The following RFC5 variants were observed in gnomAD, a reference collection of about 807,000 sequenced individuals.
RFC5 encodes A1 36 kDa subunit.
Under a neutral mutation model 44.3 loss-of-function variants are expected in RFC5, and 26 were observed. That is an observed-to-expected ratio of 0.59 (90% CI 0.43 to 0.81). The LOEUF is 0.81. Among genes scored for constraint, RFC5 ranks in the 40% least tolerant of loss-of-function variants. RFC5 has a pLI of 0.00. For synonymous variants in RFC5, 155 were observed against 155.2 expected, an observed-to-expected ratio of 1.00 and a Z score of 0.01; for missense variants, 328 against 418.6, an observed-to-expected ratio of 0.78 and a Z score of 1.89.
chr12:118,021,220 T>G (rs1260824734), intron 4 of RFC5, among the ~76,000 whole-genome samples: 2 of 150,886 alleles, frequency 1.3e-5, no homozygotes, highest in Non-Finnish European at 3.0e-5. Flanking sequence ...TTTTTTTTCT[T>G]TTTTTTTTGG....
chr12:118,037,664 G>A (rs201007359), downstream of RFC5, among the ~76,000 whole-genome samples: 1 of 137,916 alleles, frequency 7.3e-6, no homozygotes, highest in Non-Finnish European at 1.5e-5. Context: ...GCGAAACTCT[G>A]TCTAAAAAAA....
intron 5 of RFC5, among the ~76,000 whole-genome samples, chr12:118,023,411 A>G (rs1483846463): frequency 3.0e-4 from 9 of 30,378 alleles, no homozygotes; most frequent in East Asian, 1.7e-3. Context: ...GAGGAGGAGG[A>G]GGGGGGAGGA....
At chr12:118,035,253 G>A (rs1169988840), downstream of RFC5, 1 of 1,614,200 alleles carries the variant, frequency 6.2e-7, no homozygotes, top group Admixed American at 1.7e-5. Context: ...GCCTTCTGGA[G>A]AGAAGCACAC....
At chr12:118,034,548 A>C, downstream of RFC5, 1 of 613,402 alleles carries the variant, frequency 1.6e-6, no homozygotes, top group Non-Finnish European at 2.6e-6. Context: ...GATTAGAAAA[A>C]CTCAAGACAC....
In RFC5 at chr12:118,022,322, C is replaced by T. The variant is rs1215509560; in HGVS notation, c.384C>T (p.Asp128=). 14 of 1,613,956 alleles carry T rather than the reference C, an allele frequency of 8.7e-6. No individual in the cohort carries two copies. The highest frequency in any genetic ancestry group is 1.1e-5 in the South Asian group (1 of 91,074). Residue 128 remains aspartate (D), a synonymous_variant, in exon 5 of 11, where the codon GAC becomes GAT. Transcript: ENST00000454402. ...AGCTAGTGATCTTGGATGAAGCAGACGCCATGACTCAGGACGCCCAGAATG... is the reference window on the plus strand; with the variant it reads ...AGCTAGTGATCTTGGATGAAGCAGATGCCATGACTCAGGACGCCCAGAATG... ...GFKLVILDEA[D]AMTQDAQNAL...
the RFC5 span, among the ~76,000 whole-genome samples, chr12:118,039,653 T>C: frequency 6.6e-6 from 1 of 152,074 alleles, no homozygotes; most frequent in Non-Finnish European, 1.5e-5. Flanking sequence ...GAAGAAAAAA[T>C]AATTGTTATA....
chr12:118,029,622 A>G (rs1463576530), intron 9 of RFC5, 149 bp from the exon 10 acceptor site: 8 of 725,800 alleles, frequency 1.1e-5, no homozygotes, highest in African/African-American at 5.3e-5. Flanking sequence ...CACTGTTTCT[A>G]CTTTCTTAGA....
At chr12:118,022,212 G>GA (rs2030549007) in intron 4 of RFC5, 74 bp from the exon 5 acceptor site, 2 of 1,193,878 alleles carry the variant, frequency 1.7e-6, no homozygotes, top group East Asian at 2.3e-5. Flanking sequence ...GGCACAATGG[G>GA]AAGATATAGG....
downstream of RFC5, chr12:118,033,236 A>T (rs554469013): frequency 6.6e-6 from 1 of 152,546 alleles, no homozygotes; most frequent in African/African-American, 2.4e-5. Flanking sequence ...AAACCAGCTG[A>T]TTAATCCAAT....
Position 118,016,885 on chromosome 12 carries a change from C to G in RFC5, c.58C>G (p.Leu20Val), listed in dbSNP as rs751099368. The G allele has an allele frequency of 1.2e-6, 2 of 1,613,232 alleles. No individual in the cohort carries two copies. The highest frequency in any genetic ancestry group is 8.5e-7 in the Non-Finnish European group (1 of 1,179,698). The change falls in exon 1 of 11, where the codon CTG (leucine) becomes GTG (valine). Residue 20 changes from leucine (L) to valine (V), a missense_variant. Leu to Val is a conservative substitution (Grantham distance 32). Coordinates refer to ENST00000454402, the MANE Select transcript of RFC5 (RefSeq NM_007370.7). The stretch of plus-strand genomic sequence containing the variant: ...GCCCGCGGCGACCAAGATCAGGAAC[C>G]TGCCCTGGTAGGAGGAGGCCGAGCG... ...EQPAATKIRN[L>V]PWVEKYRPQT...
At chr12:118,040,393 T>C in the RFC5 span, among the ~76,000 whole-genome samples, 1 of 152,124 alleles carries the variant, frequency 6.6e-6, no homozygotes, top group African/African-American at 2.4e-5. Flanking sequence ...ATCAAGTGAT[T>C]TCCAGAGCCA....
Position 118,016,792 on chromosome 12 carries a change from G to T in RFC5, c.-36G>T. 1 of 1,583,322 alleles carries T rather than the reference G, an allele frequency of 6.3e-7. No homozygotes were observed. The highest frequency in any genetic ancestry group is 8.6e-7 in the Non-Finnish European group (1 of 1,160,444). The stretch of plus-strand genomic sequence containing the variant: ...TGTGCAGGCGCTTGGGTGACGCGAC[G>T]ATCTCAGCGGATCTGGTCACCTTCG... On this transcript the variant is annotated 5_prime_UTR_variant, in exon 1 of 11. Transcript: ENST00000454402.
intron 9 of RFC5, 103 bp from the exon 10 acceptor site, chr12:118,029,668 A>G: frequency 1.2e-6 from 1 of 812,166 alleles, no homozygotes; most frequent in Non-Finnish European, 2.2e-6. Context: ...AGGCCTCAGG[A>G]CTAGTTCAGT....
In RFC5 at chr12:118,016,938, G is replaced by A. The variant is rs374384917; in HGVS notation, c.65+46G>A. 1.2e-5 allele frequency: 18 copies of A among 1,521,448 alleles called. No individual in the cohort carries two copies. The African/African-American group carries it at 2.3e-4, about 20-fold the overall frequency. The allele number at this position is 1,521,448 out of a possible 1,614,324, so 94.2% of individuals were successfully genotyped here. The stretch of plus-strand genomic sequence containing the variant: ...GGCGGTGGGCAGAGGGGGCCAGGCG[G>A]CCGCGCGGGGAGGAGGTGGCTGGGG... On this transcript the variant is annotated intron_variant, in intron 1 of 10. Transcript: ENST00000454402.
At chr12:118,020,682 T>G (rs1160836204) in intron 3 of RFC5, among the ~76,000 whole-genome samples, 16 of 152,250 alleles carry the variant, frequency 1.1e-4, no homozygotes, top group Non-Finnish European at 2.2e-4. Context: ...CTCCAATTTA[T>G]GTCAGTCATT....
At chr12:118,017,535 C>T (rs1242393571) in intron 1 of RFC5, among the ~76,000 whole-genome samples, 1 of 152,196 alleles carries the variant, frequency 6.6e-6, no homozygotes, top group East Asian at 1.9e-4. Flanking sequence ...TCTCGCAATG[C>T]TTCCAAGACT....
chr12:118,035,240 C>T, downstream of RFC5: 2 of 1,614,202 alleles, frequency 1.2e-6, no homozygotes, highest in Non-Finnish European at 1.7e-6. Context: ...TGGCAAGGTA[C>T]AAGCCTTCTG....
chr12:118,022,459 G>A, intron 5 of RFC5, 100 bp downstream of exon 5: 1 of 855,868 alleles, frequency 1.2e-6, no homozygotes, highest in Non-Finnish European at 1.9e-6. Context: ...TTTTAGGCGG[G>A]GGGGAGTTTT....
At chr12:118,034,467 G>T, downstream of RFC5, 3 of 1,311,034 alleles carry the variant, frequency 2.3e-6, no homozygotes, top group South Asian at 1.4e-5. Context: ...AGACTTCGGA[G>T]AGTGAAATGT....
Sources: allele counts gnomAD v4.1 joint callset (sites outside exome capture counted in the v4.1 genomes callset), GRCh38; gene constraint gnomAD v4.1.1; transcripts MANE v1.5; gene names NCBI Gene and HGNC (gene_info 2026-07-23, HGNC 2026-07-21).